The following CSMD1 variants were observed in gnomAD, a reference collection of about 807,000 sequenced individuals.
The protein encoded by CSMD1 is CUB and sushi domain-containing protein 1.
CSMD1 carries 213 observed loss-of-function variants against 417.5 expected under a neutral mutation model. That is an observed-to-expected ratio of 0.51 (90% CI 0.46 to 0.57). The LOEUF (loss-of-function observed/expected upper bound fraction) is 0.57, where lower values mean the gene tolerates loss of function less well. Among genes scored for constraint, CSMD1 ranks in the 20% least tolerant of loss-of-function variants. CSMD1 has a pLI of 0.00. For synonymous variants in CSMD1, 2,862 were observed against 1,736.8 expected (o/e 1.65, Z -16.11); for missense variants, 6,923 against 4,529.7 (o/e 1.53, Z -15.17).
intron 8 of CSMD1, among the ~76,000 whole-genome samples, chr8:3,595,801 A>C (rs958871308): frequency 6.6e-6 from 1 of 152,216 alleles, no homozygotes; most frequent in Admixed American, 6.5e-5. Flanking sequence ...AGAAAAATTA[A>C]ATCCTCACGT....
chr8:4,285,500 G>C (rs1380981252), intron 3 of CSMD1, among the ~76,000 whole-genome samples: 1 of 152,168 alleles, frequency 6.6e-6, no homozygotes, highest in African/African-American at 2.4e-5. Context: ...CAAATATAAA[G>C]AGGATGAAGA....
intron 5 of CSMD1, among the ~76,000 whole-genome samples, chr8:3,819,773 G>A (rs552917872): frequency 6.6e-6 from 1 of 152,092 alleles, no homozygotes; most frequent in Non-Finnish European, 1.5e-5. Context: ...AAATTATATA[G>A]AGATGTAAGC....
chr8:3,766,793 G>C (rs557060726), intron 5 of CSMD1, among the ~76,000 whole-genome samples: 1 of 151,466 alleles, frequency 6.6e-6, no homozygotes, highest in Non-Finnish European at 1.5e-5. Context: ...CCTTAATCTT[G>C]GGATAAGAAC....
At chr8:4,561,322 C>T (rs963082126) in intron 2 of CSMD1, among the ~76,000 whole-genome samples, 10 of 152,230 alleles carry the variant, frequency 6.6e-5, no homozygotes, top group Admixed American at 3.9e-4. Flanking sequence ...TGCAGTGAAT[C>T]GAGATCATGC....
chr8:3,524,821 C>A (rs1216597527), intron 10 of CSMD1, among the ~76,000 whole-genome samples: 1 of 151,390 alleles, frequency 6.6e-6, no homozygotes, highest in Non-Finnish European at 1.5e-5. Flanking sequence ...CACAGACACA[C>A]ATGCACACAC....
At chr8:3,659,151 T>C (rs533034251) in intron 7 of CSMD1, among the ~76,000 whole-genome samples, 37 of 152,318 alleles carry the variant, frequency 2.4e-4, no homozygotes, top group Middle Eastern at 3.4e-3. Context: ...ATGTAACTTG[T>C]TGCAGATTCA....
chr8:4,855,058 TGGA>T (rs1348989833), intron 1 of CSMD1, among the ~76,000 whole-genome samples: 1 of 152,072 alleles, frequency 6.6e-6, no homozygotes, highest in African/African-American at 2.4e-5. Flanking sequence ...AGCAAGCAGC[TGGA>T]GATCTGAGAA....
Position 3,539,629 on chromosome 8 carries a change from G to C in CSMD1, c.1344+35316C>G, listed in dbSNP as rs565773419. On this transcript the variant is annotated intron_variant, in intron 10 of 69. Coordinates refer to ENST00000635120, the MANE Select transcript of CSMD1 (RefSeq NM_033225.6). ...CTCTGCCCCTCTAAATCCCAGCAAG[G>C]CTCCCTCCCCCATCCCTCACTGTTG... Among the ~76,000 whole-genome samples the C allele has an allele frequency of 5.3e-3, 812 of 152,124 alleles. 1 individual carries two copies. The highest frequency in any genetic ancestry group is 8.3e-3 in the Admixed American group (126 of 15,264).
intron 16 of CSMD1, among the ~76,000 whole-genome samples, chr8:3,397,486 A>G (rs1259047980): frequency 6.6e-6 from 1 of 152,142 alleles, no homozygotes; most frequent in Non-Finnish European, 1.5e-5. Flanking sequence ...CCTGGGCCCC[A>G]TTCTTCCATA....
At chr8:4,870,221 A>T (rs115744971) in intron 1 of CSMD1, among the ~76,000 whole-genome samples, 2 of 152,150 alleles carry the variant, frequency 1.3e-5, no homozygotes, top group African/African-American at 4.8e-5. Context: ...GTCCTTCTTC[A>T]TCCCACAACT....
At chr8:4,550,062 T>C (rs561641441) in intron 2 of CSMD1, among the ~76,000 whole-genome samples, 2 of 152,040 alleles carry the variant, frequency 1.3e-5, no homozygotes, top group Non-Finnish European at 2.9e-5. Flanking sequence ...ATCCTCAGAA[T>C]TGGAACACCC....
rs115888328 is a variant in CSMD1, at chr8:4,166,620, G to C, written c.416-134521C>G. On this transcript the variant is annotated intron_variant, in intron 3 of 69. Transcript: ENST00000635120. ...GGACTCACGGTGAACTGTAGGATGG[G>C]AGCAGGGGACAGAAGACTGCATATT... Among the ~76,000 whole-genome samples the C allele has an allele frequency of 2.5e-3, 379 of 152,268 alleles. 1 individual carries two copies. The highest frequency in any genetic ancestry group is 8.3e-3 in the African/African-American group (343 of 41,542).
chr8:2,942,445 C>T (rs1266320402), intron 69 of CSMD1, 27 bp downstream of exon 69: 3 of 1,600,106 alleles, frequency 1.9e-6, no homozygotes, highest in Admixed American at 1.7e-5. Context: ...TCACAACATT[C>T]TCAAACAGAT....
At chr8:3,279,711 C>T (rs376325327) in intron 26 of CSMD1, among the ~76,000 whole-genome samples, 2 of 152,048 alleles carry the variant, frequency 1.3e-5, no homozygotes, top group Non-Finnish European at 2.9e-5. Context: ...AGGAAACTTA[C>T]AATCATGGAG....
At chr8:3,408,376 A>T (rs1294619883) in intron 13 of CSMD1, among the ~76,000 whole-genome samples, 151 bp from the exon 14 acceptor site, 1 of 152,230 alleles carries the variant, frequency 6.6e-6, no homozygotes, top group Admixed American at 6.5e-5. Context: ...TCTGGACCAT[A>T]ATGTTTTCTC....
chr8:3,685,049 T>C (rs941713992), intron 7 of CSMD1, among the ~76,000 whole-genome samples: 1 of 152,116 alleles, frequency 6.6e-6, no homozygotes, highest in African/African-American at 2.4e-5. Context: ...CCAAGCCCAG[T>C]TTTTGAAATA....
chr8:4,750,101 G>T lies in CSMD1; in HGVS notation c.86-112543C>A, dbSNP rs1008624276. On this transcript the variant is annotated intron_variant, in intron 1 of 69. Transcript: ENST00000635120. ...GCTCACCGCAAGCTCCGCCTCCCGGGTTCACCCCATTCTCCTGCCTCAGCC... is the reference window on the plus strand; with the variant it reads ...GCTCACCGCAAGCTCCGCCTCCCGGTTTCACCCCATTCTCCTGCCTCAGCC... Among the ~76,000 whole-genome samples, 26 of 152,264 alleles carry T rather than the reference G, an allele frequency of 1.7e-4. No homozygotes were observed. The East Asian group carries it at 2.7e-3, about 16-fold the overall frequency.
chr8:4,874,055 C>A (rs7840747), intron 1 of CSMD1, among the ~76,000 whole-genome samples: 69,907 of 151,862 alleles, frequency 0.46, 16,495 homozygotes, highest in Middle Eastern at 0.64. Flanking sequence ...TGTCATCTAC[C>A]TTTACCTTAA....
At chr8:3,772,852 C>T (rs929089915) in intron 5 of CSMD1, among the ~76,000 whole-genome samples, 3 of 151,946 alleles carry the variant, frequency 2.0e-5, no homozygotes, top group African/African-American at 4.8e-5. Flanking sequence ...CCCTCCTCTG[C>T]ACCACATCCT....
Sources: allele counts gnomAD v4.1 joint callset (sites outside exome capture counted in the v4.1 genomes callset), GRCh38; gene constraint gnomAD v4.1.1; transcripts MANE v1.5; gene names NCBI Gene and HGNC (gene_info 2026-07-23, HGNC 2026-07-21).